The following RFPL1 variants were observed in gnomAD, a reference collection of about 807,000 sequenced individuals.
RFPL1 encodes the protein ret finger protein-like 1.
In RFPL1, 6 loss-of-function variants were observed where a neutral mutation model predicts 9.6. The ratio of observed to expected loss-of-function variants is 0.62; its 90% confidence interval spans 0.34 to 1.23. RFPL1 has a LOEUF of 1.23. RFPL1 is among the 50% of genes most tolerant of loss of function. The pLI is 0.03. For synonymous variants in RFPL1, 145 were observed against 149.4 expected (o/e 0.97, Z 0.22); for missense variants, 352 against 398.4 (o/e 0.88, Z 0.99).
the RFPL1 span, among the ~76,000 whole-genome samples, chr22:29,389,800 T>TG: frequency 2.0e-4 from 31 of 151,994 alleles, 1 homozygote; most frequent in South Asian, 2.5e-3. Context: ...ATTTGTTTTT[T>TG]TTTGTTTGTT....
chr22:29,429,473 GACATT>G, the RFPL1 span, among the ~76,000 whole-genome samples: 1 of 152,100 alleles, frequency 6.6e-6, no homozygotes, highest in Non-Finnish European at 1.5e-5. Context: ...TGAAAAAGGA[GACATT>G]ACAACTGGAA....
chr22:29,419,171 C>T, the RFPL1 span: 27 of 1,608,364 alleles, frequency 1.7e-5, no homozygotes, highest in Admixed American at 2.7e-4. Context: ...TCTTTGCCCA[C>T]GGTCATCGAT....
the RFPL1 span, among the ~76,000 whole-genome samples, chr22:29,398,592 G>A: frequency 6.6e-6 from 1 of 152,178 alleles, no homozygotes; most frequent in Non-Finnish European, 1.5e-5. Flanking sequence ...GTGTGACCCT[G>A]AGCAAGTCAC....
chr22:29,416,211 A>T, the RFPL1 span, among the ~76,000 whole-genome samples: 1 of 152,188 alleles, frequency 6.6e-6, no homozygotes, highest in Admixed American at 6.5e-5. Flanking sequence ...GGGCCTCTGC[A>T]TTTCCAGACA....
At chr22:29,429,953 C>T in the RFPL1 span, among the ~76,000 whole-genome samples, 97 of 151,000 alleles carry the variant, frequency 6.4e-4, 1 homozygote, top group African/African-American at 2.2e-3. Flanking sequence ...TGAATCTCTC[C>T]GGTCTCTCTT....
the RFPL1 span, among the ~76,000 whole-genome samples, chr22:29,403,682 G>A: frequency 1.3e-5 from 2 of 152,200 alleles, no homozygotes; most frequent in South Asian, 2.1e-4. Flanking sequence ...AAATGCAGAC[G>A]ATCCTTAAAC....
chr22:29,416,440 C>G, the RFPL1 span, among the ~76,000 whole-genome samples: 1 of 152,092 alleles, frequency 6.6e-6, no homozygotes, highest in Admixed American at 6.6e-5. Context: ...GCAGAGAGAC[C>G]CAGCTGACCG....
the RFPL1 span, among the ~76,000 whole-genome samples, chr22:29,424,975 C>A: frequency 6.6e-6 from 1 of 151,610 alleles, no homozygotes; most frequent in Admixed American, 6.6e-5. Flanking sequence ...GAGGCCCAGG[C>A]GGGCGGATCA....
At chr22:29,393,295 A>G in the RFPL1 span, among the ~76,000 whole-genome samples, 2 of 152,220 alleles carry the variant, frequency 1.3e-5, no homozygotes, top group Non-Finnish European at 2.9e-5. Context: ...GATAAGGAAA[A>G]GACCAGTGGG....
At chr22:29,420,626 G>GTTGTTTT in the RFPL1 span, among the ~76,000 whole-genome samples, 1 of 82,586 alleles carries the variant, frequency 1.2e-5, no homozygotes, top group Non-Finnish European at 2.1e-5. Flanking sequence ...ACTGCAGATG[G>GTTGTTTT]TTTTTTGCTT....
At chr22:29,424,736 C>A in the RFPL1 span, among the ~76,000 whole-genome samples, 3 of 150,310 alleles carry the variant, frequency 2.0e-5, no homozygotes, top group African/African-American at 7.4e-5. Flanking sequence ...GAGGCTGAAT[C>A]ACTTGAACCC....
At position 29,441,679 on chromosome 22, in the gene RFPL1, G is replaced by T. The variant is rs1259288185; in HGVS notation, c.511G>T (p.Gly171Cys). The T allele has an allele frequency of 1.9e-6, 3 of 1,613,784 alleles. No homozygotes were observed. The African/African-American group carries it at 4.0e-5, about 22-fold the overall frequency. ...ATTTGACGTGTCCATTTGCATCCTG[G>T]GCTCCCCTCGCTTTACCTGTGGCCG... The change falls in exon 2 of 2, where the codon GGC (glycine) becomes TGC (cysteine). Residue 171 changes from glycine (G) to cysteine (C), a missense_variant. Transcript: ENST00000354373.
At chr22:29,412,407 G>A in the RFPL1 span, among the ~76,000 whole-genome samples, 1 of 152,096 alleles carries the variant, frequency 6.6e-6, no homozygotes, top group Non-Finnish European at 1.5e-5. Flanking sequence ...CCGAGTAGCA[G>A]GGGAGGTGGG....
At chr22:29,410,510 GAT>G in the RFPL1 span, among the ~76,000 whole-genome samples, 1 of 108,310 alleles carries the variant, frequency 9.2e-6, no homozygotes, top group Admixed American at 1.0e-4. Context: ...TATATAGAGA[GAT>G]ATATATTGTA....
chr22:29,396,897 C>CT, the RFPL1 span, among the ~76,000 whole-genome samples: 1,072 of 72,592 alleles, frequency 0.015, 113 homozygotes, highest in African/African-American at 0.038. Context: ...CCTGAAACTT[C>CT]TTTTTTTTTT....
At chr22:29,431,231 G>T in the RFPL1 span, among the ~76,000 whole-genome samples, 9 of 152,162 alleles carry the variant, frequency 5.9e-5, no homozygotes, top group African/African-American at 2.2e-4. Context: ...GCAGGTATTA[G>T]AGAGCAAGGG....
chr22:29,427,721 G>T, the RFPL1 span, among the ~76,000 whole-genome samples: 1 of 152,152 alleles, frequency 6.6e-6, no homozygotes, highest in African/African-American at 2.4e-5. Flanking sequence ...AGCTGGACTG[G>T]GGGTGGGGGT....
At chr22:29,388,374 C>A in the RFPL1 span, 1 of 152,542 alleles carries the variant, frequency 6.6e-6, no homozygotes, top group African/African-American at 2.4e-5. Flanking sequence ...GGACCCCTGA[C>A]CCCTCGCCCC....
the RFPL1 span, among the ~76,000 whole-genome samples, chr22:29,396,153 A>G: frequency 6.6e-6 from 1 of 152,238 alleles, no homozygotes; most frequent in Non-Finnish European, 1.5e-5. Context: ...TTCAGTTTCC[A>G]GTCTGAAAAA....
Sources: allele counts gnomAD v4.1 joint callset (sites outside exome capture counted in the v4.1 genomes callset), GRCh38; gene constraint gnomAD v4.1.1; transcripts MANE v1.5; gene names NCBI Gene and HGNC (gene_info 2026-07-23, HGNC 2026-07-21).